The following TLN2 variants were observed in gnomAD, a reference collection of about 807,000 sequenced individuals.
TLN2 encodes the protein talin-2.
Under a neutral mutation model 294.7 loss-of-function variants are expected in TLN2, and 118 were observed. The observed-to-expected ratio is 0.40, with a 90% CI of 0.34 to 0.47. The LOEUF (loss-of-function observed/expected upper bound fraction) is 0.47. Among genes scored for constraint, TLN2 ranks in the 20% least tolerant of loss-of-function variants. The pLI, the probability that TLN2 is intolerant of heterozygous loss-of-function variation, is 0.84. For synonymous variants in TLN2, 1,431 were observed against 1,304.5 expected (o/e 1.10, Z -2.09); for missense variants, 3,083 against 3,282.2 (o/e 0.94, Z 1.48).
At position 62,565,910 on chromosome 15, in the gene TLN2, CTGTGTGTGTGTG is replaced by C. The variant is rs71718001; in HGVS notation, c.-237-23757_-237-23746del. Among the ~76,000 whole-genome samples the C allele has an allele frequency of 4.0e-5, 6 of 148,490 alleles. No homozygotes were observed. The South Asian group carries it at 8.7e-4, about 21-fold the overall frequency. Reference sequence around the variant, plus strand: ...GTTGGATGGCTCTACTGTTTACTAGCTGTGTGTGTGTGTGTGTGTGTGTGTGTGTGTTTTACC... The same window carrying C: ...GTTGGATGGCTCTACTGTTTACTAGCTGTGTGTGTGTGTGTGTGTTTTACC... On this transcript the variant is annotated intron_variant, in intron 1 of 58. Transcript: ENST00000636159.
At chr15:62,678,413 C>G (rs1402262841) in intron 11 of TLN2, among the ~76,000 whole-genome samples, 1 of 152,146 alleles carries the variant, frequency 6.6e-6, no homozygotes, top group African/African-American at 2.4e-5. Context: ...TTTGATAAAA[C>G]TCAACATCCT....
At chr15:62,453,028 C>G (rs1446057388) in intron 1 of TLN2, among the ~76,000 whole-genome samples, 1 of 152,182 alleles carries the variant, frequency 6.6e-6, no homozygotes, top group African/African-American at 2.4e-5. Flanking sequence ...GTATAAGTAT[C>G]TTCCAAAGAC....
chr15:62,412,691 A>G (rs1348503423), intron 1 of TLN2, among the ~76,000 whole-genome samples: 2 of 152,116 alleles, frequency 1.3e-5, no homozygotes, highest in Admixed American at 6.5e-5. Flanking sequence ...AAGTTGTTAT[A>G]TTTTTGTCCA....
intron 27 of TLN2, 87 bp from the exon 28 acceptor site, chr15:62,727,000 A>G: frequency 7.3e-7 from 1 of 1,366,006 alleles, no homozygotes; most frequent in Non-Finnish European, 1.0e-6. Flanking sequence ...TCAAAGTTTG[A>G]TCTGCATGAT....
At chr15:62,455,602 C>T (rs1360836668) in intron 1 of TLN2, among the ~76,000 whole-genome samples, 1 of 152,188 alleles carries the variant, frequency 6.6e-6, no homozygotes, top group African/African-American at 2.4e-5. Context: ...GCGGTTACCA[C>T]TATGCCAGAG....
chr15:62,736,859 G>A lies in TLN2; in HGVS notation c.3359-19G>A. 6.2e-7 allele frequency: 1 copy of A among 1,611,014 alleles called. No individual in the cohort carries two copies. The highest frequency in any genetic ancestry group is 8.5e-7 in the Non-Finnish European group (1 of 1,178,004). ...TTAGATGGAGTCTAATTGGAAATCT[G>A]ATGGACTTTTTCCCCCAGGGGTGGC... On this transcript the variant is annotated intron_variant, in intron 28 of 58. Coordinates refer to ENST00000636159, the MANE Select transcript of TLN2 (RefSeq NM_015059.3).
chr15:62,482,211 T>C (rs1045491898), intron 1 of TLN2, among the ~76,000 whole-genome samples: 1 of 152,228 alleles, frequency 6.6e-6, no homozygotes, highest in Non-Finnish European at 1.5e-5. Flanking sequence ...CATATTGCAT[T>C]GCACATTTCT....
chr15:62,640,756 T>G (rs1408145026), intron 3 of TLN2, among the ~76,000 whole-genome samples: 1 of 152,176 alleles, frequency 6.6e-6, no homozygotes, highest in African/African-American at 2.4e-5. Flanking sequence ...GTTGTGTGAC[T>G]GCGATAAGAA....
At chr15:62,618,758 T>C (rs1303883195) in intron 3 of TLN2, among the ~76,000 whole-genome samples, 1 of 152,228 alleles carries the variant, frequency 6.6e-6, no homozygotes, top group Non-Finnish European at 1.5e-5. Flanking sequence ...TCTGAAGCTC[T>C]CCAGTTTGTT....
chr15:62,460,707 A>T (rs2036752237), intron 1 of TLN2, among the ~76,000 whole-genome samples: 1 of 152,212 alleles, frequency 6.6e-6, no homozygotes, highest in Non-Finnish European at 1.5e-5. Flanking sequence ...TTTATTTCAG[A>T]TAATGTTTTC....
At chr15:62,525,684 T>G (rs1430039576) in intron 1 of TLN2, among the ~76,000 whole-genome samples, 3 of 152,272 alleles carry the variant, frequency 2.0e-5, no homozygotes, top group Non-Finnish European at 4.4e-5. Context: ...AACAGGGTTC[T>G]GGATACCTTA....
At chr15:62,511,599 C>T (rs909443348) in intron 1 of TLN2, among the ~76,000 whole-genome samples, 6 of 152,050 alleles carry the variant, frequency 3.9e-5, no homozygotes, top group Admixed American at 6.5e-5. Flanking sequence ...CTCCCCACCC[C>T]ACCCCCAGCG....
intron 2 of TLN2, among the ~76,000 whole-genome samples, chr15:62,596,784 G>C (rs1475826921): frequency 6.6e-6 from 1 of 151,882 alleles, no homozygotes; most frequent in Non-Finnish European, 1.5e-5. Context: ...TTAAGTCAAA[G>C]TATTGCATGC....
At chr15:62,726,638 A>T (rs571120863) in intron 27 of TLN2, among the ~76,000 whole-genome samples, 2 of 152,340 alleles carry the variant, frequency 1.3e-5, no homozygotes, top group East Asian at 3.9e-4. Context: ...CATGCCAGGA[A>T]GGTGGTGCAG....
intron 9 of TLN2, among the ~76,000 whole-genome samples, chr15:62,669,235 C>G (rs1046530084): frequency 2.0e-5 from 3 of 152,294 alleles, no homozygotes; most frequent in African/African-American, 7.2e-5. Flanking sequence ...AATTTTTATA[C>G]TATTTCAGCA....
At chr15:62,540,036 A>G (rs2041584965) in intron 1 of TLN2, among the ~76,000 whole-genome samples, 1 of 152,118 alleles carries the variant, frequency 6.6e-6, no homozygotes, top group African/African-American at 2.4e-5. Context: ...CCAGGGGTCC[A>G]TTAAATATAA....
At chr15:62,825,849 AT>A (rs2068123163) in intron 54 of TLN2, among the ~76,000 whole-genome samples, 1 of 87,580 alleles carries the variant, frequency 1.1e-5, no homozygotes, top group Non-Finnish European at 1.9e-5. Context: ...ATATATAAAT[AT>A]ATTATATATA....
intron 1 of TLN2, among the ~76,000 whole-genome samples, chr15:62,487,011 A>G (rs899322016): frequency 6.6e-6 from 1 of 152,130 alleles, no homozygotes; most frequent in Non-Finnish European, 1.5e-5. Context: ...TAGAAGCATA[A>G]ATGCAGTGTT....
chr15:62,681,694 G>T (rs2141028278), intron 11 of TLN2, among the ~76,000 whole-genome samples: 1 of 152,218 alleles, frequency 6.6e-6, no homozygotes, highest in East Asian at 1.9e-4. Context: ...TGAAAAATAG[G>T]AATAATTCCT....
Sources: allele counts gnomAD v4.1 joint callset (sites outside exome capture counted in the v4.1 genomes callset), GRCh38; gene constraint gnomAD v4.1.1; transcripts MANE v1.5; gene names NCBI Gene and HGNC (gene_info 2026-07-23, HGNC 2026-07-21).